The following C3orf33 variants were observed in gnomAD, a reference collection of about 807,000 sequenced individuals.
C3orf33 encodes mitochondrial inner membrane subdomain organizer 1.
Under a neutral mutation model 28.7 loss-of-function variants are expected in C3orf33, and 23 were observed. The observed-to-expected ratio is 0.80, with a 90% CI of 0.58 to 1.13. The LOEUF is 1.13. C3orf33 is among the 50% of genes most tolerant of loss of function. The pLI is 0.00. For synonymous variants in C3orf33, 119 were observed against 120.5 expected, an observed-to-expected ratio of 0.99 and a Z score of 0.08; for missense variants, 327 against 353.4, an observed-to-expected ratio of 0.93 and a Z score of 0.60.
chr3:155,801,621 C>T (rs1312346464), intron 2 of C3orf33, among the ~76,000 whole-genome samples: 4 of 150,176 alleles, frequency 2.7e-5, no homozygotes, highest in Non-Finnish European at 4.4e-5. Context: ...AAGCCAGTCA[C>T]AAAAAAATAC....
rs1459350421 is a variant in C3orf33 at position 155,763,004 on chromosome 3, A to T, written c.*513T>A. 6.6e-6 allele frequency: 1 copy of T among 152,284 alleles called. No homozygotes were observed. Among genetic ancestry groups the T allele is most frequent in the Non-Finnish European group, 1.5e-5 (1 of 68,184 alleles). 9.4% of individuals were successfully genotyped at this position (152,284 alleles called of 1,614,324 possible). A position where few individuals can be genotyped will look rare whatever the true frequency, so the allele number is the denominator to read the frequency against. On this transcript the variant is annotated 3_prime_UTR_variant, in exon 5 of 5. Transcript: ENST00000340171. Reference sequence around the variant, plus strand: ...ATGGAGAAACCCCGTCTCTACTAAAAATGCAAAATTAGCCGGGCATGGTGG... The same window carrying T: ...ATGGAGAAACCCCGTCTCTACTAAATATGCAAAATTAGCCGGGCATGGTGG...
At position 155,769,312 on chromosome 3, in the gene C3orf33, C is replaced by CA. The variant is rs747506548; in HGVS notation, c.323-1644dup. Among the ~76,000 whole-genome samples the CA allele has an allele frequency of 6.2e-3, 468 of 75,794 alleles. 16 individuals are homozygous for CA. In the East Asian group the frequency reaches 0.24, roughly 39 times the overall value. 49.7% of individuals were successfully genotyped at this position (75,794 alleles called of 152,430 possible). A position where few individuals can be genotyped will look rare whatever the true frequency, so the allele number is the denominator to read the frequency against. The stretch of plus-strand genomic sequence containing the variant: ...GGGCAACAAGAGCAAAACTCCCTCT[C>CA]AAAAAAAAAAAAAAAAAATACAAAA... On this transcript the variant is annotated intron_variant, in intron 3 of 4. Coordinates refer to ENST00000340171, the MANE Select transcript of C3orf33 (RefSeq NM_001308229.2).
At chr3:155,788,861 G>C (rs189316754) in intron 2 of C3orf33, among the ~76,000 whole-genome samples, 15 of 152,160 alleles carry the variant, frequency 9.9e-5, no homozygotes, top group Non-Finnish European at 2.1e-4. Context: ...GAGAAAAAAG[G>C]CATCTAAAAT....
Position 155,773,928 on chromosome 3 carries a change from A to G in C3orf33, c.322+1773T>C, listed in dbSNP as rs567675040. Among the ~76,000 whole-genome samples, 6 of 152,332 alleles carry G rather than the reference A, an allele frequency of 3.9e-5. No homozygotes were observed. In the South Asian group the frequency reaches 6.2e-4, roughly 16 times the overall value. On this transcript the variant is annotated intron_variant, in intron 3 of 4. Coordinates refer to ENST00000340171, the MANE Select transcript of C3orf33 (RefSeq NM_001308229.2). ...AGGGAGCAACACTCATTAAAACTGT[A>G]TAAGTTCTCTTTGGTTTATTAAAAG...
chr3:155,769,612 G>A (rs1297784781), intron 3 of C3orf33, among the ~76,000 whole-genome samples: 3 of 151,990 alleles, frequency 2.0e-5, no homozygotes, highest in Admixed American at 2.0e-4. Flanking sequence ...ATTAAATTAT[G>A]TCAAATCATT....
At chr3:155,797,052 G>A (rs553501394) in intron 2 of C3orf33, among the ~76,000 whole-genome samples, 14 of 152,230 alleles carry the variant, frequency 9.2e-5, no homozygotes, top group East Asian at 3.9e-4. Context: ...TTAGCCAGGC[G>A]TGGTGGTGGG....
rs943354999 is a variant in C3orf33, at chr3:155,797,698, C to T, written c.174+4834G>A. 3.3e-5 allele frequency among the ~76,000 whole-genome samples: 5 copies of T among 152,124 alleles called. No individual in the cohort carries two copies. The East Asian group carries it at 5.8e-4, about 18-fold the overall frequency. On this transcript the variant is annotated intron_variant, in intron 2 of 4. Transcript: ENST00000340171. Reference sequence around the variant, plus strand: ...GAAAAAGAAATCAAGAAAGTAATCCCGTTTACAATATCTGGAAATAAAATT... The same window carrying T: ...GAAAAAGAAATCAAGAAAGTAATCCTGTTTACAATATCTGGAAATAAAATT...
intron 2 of C3orf33, among the ~76,000 whole-genome samples, chr3:155,800,950 T>C (rs1162421511): frequency 6.6e-6 from 1 of 152,156 alleles, no homozygotes; most frequent in African/African-American, 2.4e-5. Context: ...AAGGATGTGC[T>C]GAAATTGAAA....
intron 2 of C3orf33, among the ~76,000 whole-genome samples, chr3:155,796,044 A>G (rs1042764553): frequency 2.6e-5 from 4 of 152,172 alleles, no homozygotes; most frequent in Non-Finnish European, 5.9e-5. Context: ...TTTTATAGCT[A>G]TAAGCACCTA....
intron 2 of C3orf33, among the ~76,000 whole-genome samples, chr3:155,797,042 T>C (rs570576171): frequency 9.9e-5 from 15 of 152,146 alleles, no homozygotes; most frequent in African/African-American, 3.6e-4. Context: ...AATACAAAAA[T>C]TAGCCAGGCG....
intron 3 of C3orf33, among the ~76,000 whole-genome samples, chr3:155,775,438 G>C (rs1359963100): frequency 6.8e-6 from 1 of 147,738 alleles, no homozygotes; most frequent in Non-Finnish European, 1.5e-5. Context: ...GCAGTGAGCC[G>C]AAATTGCACC....
At chr3:155,789,344 C>CA (rs57871976) in intron 2 of C3orf33, among the ~76,000 whole-genome samples, 24,453 of 111,960 alleles carry the variant, frequency 0.22, 2,736 homozygotes, top group African/African-American at 0.32. Flanking sequence ...GACTCTGTCT[C>CA]AAAAAAAAAA....
intron 4 of C3orf33, 105 bp from the exon 5 acceptor site, chr3:155,764,023 CA>C: frequency 2.1e-6 from 2 of 940,520 alleles, no homozygotes; most frequent in South Asian, 8.2e-5. Context: ...TTTAGTCCTC[CA>C]AAGAAAAGGC....
At position 155,802,580 on chromosome 3, in the gene C3orf33, A is replaced by G. The variant is rs769965286; in HGVS notation, c.126T>C (p.Thr42=). ...DHLRLVRNIS[T]GMAIAGIMLL... ...ACATTATTCCAGCTATGGCCATTCC[A>G]GTGCTGATGTTCTACAGAAAGAGAT... Residue 42 remains threonine, a synonymous_variant, in exon 2 of 5, where the codon ACT becomes ACC. Transcript: ENST00000340171. 5.0e-6 allele frequency: 8 copies of G among 1,595,986 alleles called. No homozygotes were observed. The highest frequency in any genetic ancestry group is 4.5e-5 in the East Asian group (2 of 44,434).
chr3:155,789,725 G>C (rs773064622), intron 2 of C3orf33, among the ~76,000 whole-genome samples: 4 of 152,048 alleles, frequency 2.6e-5, no homozygotes, highest in Non-Finnish European at 5.9e-5. Context: ...AACATATTTA[G>C]AAGCTACAGT....
At chr3:155,799,597 G>C (rs1034312724) in intron 2 of C3orf33, among the ~76,000 whole-genome samples, 3 of 152,186 alleles carry the variant, frequency 2.0e-5, no homozygotes, top group Non-Finnish European at 4.4e-5. Flanking sequence ...GCTGACATGA[G>C]AGGATCGCTT....
chr3:155,789,784 G>C (rs1449863214), intron 2 of C3orf33, among the ~76,000 whole-genome samples: 1 of 152,114 alleles, frequency 6.6e-6, no homozygotes, highest in Non-Finnish European at 1.5e-5. Context: ...CAGATCAATG[G>C]AACAGAGAGG....
rs764823659 is a variant in C3orf33 at position 155,763,761 on chromosome 3, CCTT to C, written c.638_640del (p.Glu213del). 1 of 1,605,896 alleles carries C rather than the reference CCTT, an allele frequency of 6.2e-7. No homozygotes were observed. The highest frequency in any genetic ancestry group is 8.5e-7 in the Non-Finnish European group (1 of 1,177,396). Reference sequence around the variant, plus strand: ...TTTTTCAGAGTCTTCCTTCCATATTCCTTCTCCTTTTTTTAAGGCTGTTAATTC... The same window carrying C: ...TTTTTCAGAGTCTTCCTTCCATATTCCTCCTTTTTTTAAGGCTGTTAATTC... On this transcript the variant is annotated inframe_deletion, in exon 5 of 5. Transcript: ENST00000340171.
chr3:155,763,305 A>T lies in C3orf33; in HGVS notation c.*212T>A. The T allele has an allele frequency of 2.7e-6, 1 of 373,882 alleles. No homozygotes were observed. Among genetic ancestry groups the T allele is most frequent in the Non-Finnish European group, 4.6e-6 (1 of 215,510 alleles). The allele number at this position is 373,882 out of a possible 1,614,324, so 23.2% of individuals were successfully genotyped here. On this transcript the variant is annotated 3_prime_UTR_variant, in exon 5 of 5. Coordinates refer to ENST00000340171, the MANE Select transcript of C3orf33 (RefSeq NM_001308229.2). ...CTGGTAACTTCTCATAAAGTGTTTC[A>T]TCCTTCCTAAAATCATATTACATTA... is the stretch of plus-strand genomic sequence containing the variant.
Sources: gnomAD v4.1 joint callset for allele counts (sites outside exome capture counted in the v4.1 genomes callset) on GRCh38, gnomAD v4.1.1 for gene constraint, MANE v1.5 for transcripts, NCBI Gene and HGNC (gene_info 2026-07-23, HGNC 2026-07-21) for gene names.